MAEA: variants seen among roughly 807,000 people sequenced by gnomAD.
MAEA encodes the protein E3 ubiquitin-protein transferase MAEA.
MAEA carries 22 observed loss-of-function variants against 46.2 expected under a neutral mutation model. The ratio of observed to expected loss-of-function variants is 0.48; its 90% CI spans 0.34 to 0.68. The LOEUF is 0.68. Ranked by LOEUF, MAEA falls within the 30% of genes least tolerant of loss-of-function variation. MAEA has a pLI of 0.01. For missense variants in MAEA, 393 were observed against 558.1 expected, an observed-to-expected ratio of 0.70 and a Z score of 2.98; for synonymous variants, 246 against 222.6, an observed-to-expected ratio of 1.11 and a Z score of -0.94.
chr4:1,326,506 G>A (rs968583986), intron 4 of MAEA, among the ~76,000 whole-genome samples: 3 of 152,154 alleles, frequency 2.0e-5, no homozygotes, highest in South Asian at 2.1e-4. Flanking sequence ...CACAAGTCTC[G>A]GCCCACGTTG....
chr4:1,303,724 A>G (rs1317349277), intron 1 of MAEA, among the ~76,000 whole-genome samples: 2 of 152,120 alleles, frequency 1.3e-5, no homozygotes, highest in Admixed American at 1.3e-4. Flanking sequence ...CCTTGTGCTT[A>G]TTCTAAAAAC....
chr4:1,323,685 G>T (rs1738434055), intron 4 of MAEA: 4 of 693,044 alleles, frequency 5.8e-6, no homozygotes, highest in Non-Finnish European at 1.1e-5. Context: ...CCTCACAGTG[G>T]GAACTCTGCC....
chr4:1,310,515 T>C (rs1322776011), intron 1 of MAEA, among the ~76,000 whole-genome samples: 3 of 152,200 alleles, frequency 2.0e-5, no homozygotes, highest in Non-Finnish European at 4.4e-5. Context: ...GTCACTGCTT[T>C]GTGAGTTGGT....
chr4:1,312,137 G>A lies in MAEA; in HGVS notation c.228G>A (p.Glu76=), dbSNP rs752586268. ...TCAGCCTGCTGGACGGCGTGGTGGA[G>A]AAGCTCAGCGTCCTCAAGAGGAAGG... is the stretch of plus-strand genomic sequence containing the variant. ...SVVSLLDGVV[E]KLSVLKRKAV... is the part of the protein sequence containing the mutation. The change falls in exon 2 of 9, where the codon GAG becomes GAA. Residue 76 remains glutamate (E), a synonymous_variant. Coordinates refer to ENST00000303400, the MANE Select transcript of MAEA (RefSeq NM_001017405.3). The A allele has an allele frequency of 1.2e-6, 2 of 1,613,964 alleles. No individual in the cohort carries two copies. Among genetic ancestry groups the A allele is most frequent in the South Asian group, 1.1e-5 (1 of 91,088 alleles).
chr4:1,335,422 G>A lies in MAEA; in HGVS notation c.766-1439G>A, dbSNP rs1209416985. ...TGTGGCATGTTGAAATCAGAGTTAA[G>A]TCAGCACTGGCCCCACAGTGTGTTG... On this transcript the variant is annotated intron_variant, in intron 6 of 8. Transcript: ENST00000303400. 19 of 985,448 alleles carry A rather than the reference G, an allele frequency of 1.9e-5. 1 individual carries two copies. In the South Asian group the frequency reaches 7.0e-4, roughly 37 times the overall value. 61.0% of individuals were successfully genotyped at this position (985,448 alleles called of 1,614,324 possible). A position where few individuals can be genotyped will look rare whatever the true frequency, so the allele number is the denominator to read the frequency against.
In MAEA at chr4:1,314,320, CAAAA is replaced by C. The variant is rs570061345; in HGVS notation, c.253-1065_253-1062del. ...TCAGCCTGCACAGAGACTCTGTCTC[CAAAA>C]AAAAAAAAAAATTCAGAATTTAAAA... is the stretch of plus-strand genomic sequence containing the variant. On this transcript the variant is annotated intron_variant, in intron 2 of 8. Coordinates refer to ENST00000303400, the MANE Select transcript of MAEA (RefSeq NM_001017405.3). 3.5e-4 allele frequency among the ~76,000 whole-genome samples: 37 copies of C among 106,814 alleles called. No individual in the cohort carries two copies. In the South Asian group the frequency reaches 0.01, roughly 30 times the overall value. The allele number at this position is 106,814 out of a possible 152,430, so 70.1% of individuals were successfully genotyped here. A position where few individuals can be genotyped will look rare whatever the true frequency, so the allele number is the denominator to read the frequency against.
intron 5 of MAEA, chr4:1,332,451 A>G: frequency 3.8e-6 from 1 of 261,550 alleles, no homozygotes; most frequent in East Asian, 1.1e-4. Flanking sequence ...GCAGCGGCTC[A>G]TGCCTATAAT....
intron 1 of MAEA, among the ~76,000 whole-genome samples, chr4:1,305,311 T>G (rs1416422915): frequency 6.6e-6 from 1 of 152,144 alleles, no homozygotes; most frequent in African/African-American, 2.4e-5. Flanking sequence ...CCGGCCCTGG[T>G]GAGGGTGCCT....
intron 3 of MAEA, among the ~76,000 whole-genome samples, chr4:1,321,402 G>A (rs887492702): frequency 3.9e-5 from 6 of 152,160 alleles, no homozygotes; most frequent in Non-Finnish European, 8.8e-5. Flanking sequence ...ACTGTGAGGG[G>A]TTTCAGAAAA....
chr4:1,309,794 G>A, intron 1 of MAEA: 1 of 1,408,190 alleles, frequency 7.1e-7, no homozygotes, highest in East Asian at 2.6e-5. Context: ...CCCTTGCACT[G>A]GGAGCAAAGG....
chr4:1,319,636 C>G (rs556422904), intron 3 of MAEA, among the ~76,000 whole-genome samples: 1 of 20,082 alleles, frequency 5.0e-5, no homozygotes, highest in Non-Finnish European at 7.5e-5. Flanking sequence ...TTTGGGAGAC[C>G]AGGGTGGGAG....
intron 5 of MAEA, chr4:1,328,544 C>A: frequency 9.4e-7 from 1 of 1,061,632 alleles, no homozygotes; most frequent in Non-Finnish European, 1.2e-6. Context: ...CCCTCAGCTC[C>A]CGGGCGAGTG....
chr4:1,326,632 C>T (rs1738858573), intron 4 of MAEA, among the ~76,000 whole-genome samples: 1 of 152,014 alleles, frequency 6.6e-6, no homozygotes, highest in Non-Finnish European at 1.5e-5. Context: ...CCACCCCCGC[C>T]CCTGCCTCAG....
chr4:1,335,277 C>T (rs766435639), intron 6 of MAEA: 2 of 985,386 alleles, frequency 2.0e-6, no homozygotes, highest in Non-Finnish European at 2.4e-6. Flanking sequence ...GCACTCTGCA[C>T]TGAGCTGTCC....
At chr4:1,297,973 A>AC (rs1175787584) in intron 1 of MAEA, 3 of 455,864 alleles carry the variant, frequency 6.6e-6, no homozygotes, top group African/African-American at 6.0e-5. Flanking sequence ...CAGCATGGAA[A>AC]CCCCGCTGTG....
intron 1 of MAEA, chr4:1,309,927 AGAACTTGAATGCAGCTAAGG>A (rs1736276109): frequency 7.8e-7 from 1 of 1,287,690 alleles, no homozygotes; most frequent in Admixed American, 3.5e-5. Context: ...GTTCCCGCGT[AGAACTTGAATGCAGCTAAGG>A]GACGTCCAGA....
At chr4:1,326,721 C>T (rs1022800401) in intron 4 of MAEA, among the ~76,000 whole-genome samples, 4 of 152,004 alleles carry the variant, frequency 2.6e-5, no homozygotes, top group African/African-American at 9.7e-5. Context: ...TCCCTTCACG[C>T]GAGCCGCCCC....
chr4:1,306,220 C>G (rs766141150), intron 1 of MAEA, among the ~76,000 whole-genome samples: 1 of 152,190 alleles, frequency 6.6e-6, no homozygotes, highest in African/African-American at 2.4e-5. Flanking sequence ...CCATAAAATT[C>G]ACCATCGCGC....
chr4:1,337,174 C>T (rs573633366), intron 7 of MAEA, 180 bp downstream of exon 7: 9 of 681,754 alleles, frequency 1.3e-5, no homozygotes, highest in African/African-American at 3.6e-5. Flanking sequence ...TGAGGGGCCT[C>T]GGATGCGTCG....
Sources: gnomAD v4.1 joint callset for allele counts (sites outside exome capture counted in the v4.1 genomes callset) on GRCh38, gnomAD v4.1.1 for gene constraint, MANE v1.5 for transcripts, NCBI Gene and HGNC (gene_info 2026-07-23, HGNC 2026-07-21) for gene names.